The following RAPGEF2 variants were observed in gnomAD, a reference collection of about 807,000 sequenced individuals.
The protein encoded by RAPGEF2 is Rap guanine nucleotide exchange factor 2.
RAPGEF2 carries 54 observed loss-of-function variants against 186.7 expected under a neutral mutation model. The ratio of observed to expected loss-of-function variants is 0.29; its 90% CI spans 0.23 to 0.36. The LOEUF (loss-of-function observed/expected upper bound fraction) is 0.36, where lower values mean the gene tolerates loss of function less well. Among genes scored for constraint, RAPGEF2 ranks in the 10% least tolerant of loss-of-function variants. The probability of loss-of-function intolerance (pLI) is 1.00; values close to 1 mark genes in which losing one functional copy is unlikely to be tolerated. For synonymous variants in RAPGEF2, 712 were observed against 705.9 expected, an observed-to-expected ratio of 1.01 and a Z score of -0.14; for missense variants, 1,532 against 2,045.0, an observed-to-expected ratio of 0.75 and a Z score of 4.84.
chr4:159,112,011 C>T (rs766514361), intron 1 of RAPGEF2, among the ~76,000 whole-genome samples: 3 of 152,334 alleles, frequency 2.0e-5, no homozygotes, highest in South Asian at 4.1e-4. Context: ...CTCTGGGGAT[C>T]ACTAATCTGT....
intron 7 of RAPGEF2, among the ~76,000 whole-genome samples, chr4:159,302,615 A>G (rs1249474916): frequency 2.0e-5 from 3 of 152,188 alleles, no homozygotes; most frequent in Non-Finnish European, 2.9e-5. Flanking sequence ...ATTAATACAT[A>G]TCTGCAAACT....
intron 25 of RAPGEF2, among the ~76,000 whole-genome samples, chr4:159,347,223 G>A (rs58730870): frequency 2.0e-5 from 3 of 152,158 alleles, no homozygotes; most frequent in Non-Finnish European, 2.9e-5. Context: ...AATTTGCTAC[G>A]ACAGGGTGTT....
chr4:159,267,972 C>T, intron 7 of RAPGEF2: 3 of 1,380,958 alleles, frequency 2.2e-6, no homozygotes, highest in Non-Finnish European at 2.8e-6. Flanking sequence ...GATTCCTTTT[C>T]TGGTCTACAA....
intron 1 of RAPGEF2, among the ~76,000 whole-genome samples, chr4:159,104,613 A>G (rs945018397): frequency 1.4e-5 from 2 of 147,924 alleles, no homozygotes; most frequent in Admixed American, 1.4e-4. Context: ...CCCTCTCCCC[A>G]GCCGCCCTCC....
chr4:159,352,618 TG>T (rs1731352729), intron 26 of RAPGEF2, 66 bp from the exon 27 acceptor site: 1 of 1,322,566 alleles, frequency 7.6e-7, no homozygotes, highest in Non-Finnish European at 1.1e-6. Flanking sequence ...TGCTTCTATT[TG>T]GTAGACTTCC....
chr4:159,251,755 TG>T (rs1755435564), intron 7 of RAPGEF2, among the ~76,000 whole-genome samples: 2 of 151,790 alleles, frequency 1.3e-5, no homozygotes, highest in Admixed American at 1.3e-4. Flanking sequence ...GCCAATCAGC[TG>T]TCTGTAAAAT....
chr4:159,178,798 A>G (rs932778725), intron 1 of RAPGEF2, among the ~76,000 whole-genome samples: 8 of 151,866 alleles, frequency 5.3e-5, no homozygotes, highest in Admixed American at 2.0e-4. Flanking sequence ...ACCTCAGGCA[A>G]TTCACCCGCC....
At chr4:159,220,727 C>T (rs1045102901) in intron 4 of RAPGEF2, among the ~76,000 whole-genome samples, 1 of 152,136 alleles carries the variant, frequency 6.6e-6, no homozygotes, top group Admixed American at 6.5e-5. Context: ...ATTCCATATC[C>T]ATACCAAGCT....
Position 159,262,379 on chromosome 4 carries a change from G to A in RAPGEF2, c.543+18588G>A, listed in dbSNP as rs368962342. Among the ~76,000 whole-genome samples, 8 of 152,126 alleles carry A rather than the reference G, an allele frequency of 5.3e-5. 1 individual carries two copies. The East Asian group carries it at 5.8e-4, about 11-fold the overall frequency. On this transcript the variant is annotated intron_variant, in intron 7 of 29. Transcript: ENST00000691494. ...AAGATAATATTCTTTTACATATGCG[G>A]TGTTAATGTGTGAAATATTAGTGGG...
At chr4:159,212,416 TAAAG>T (rs1384324064) in intron 4 of RAPGEF2, among the ~76,000 whole-genome samples, 2 of 152,208 alleles carry the variant, frequency 1.3e-5, no homozygotes, top group African/African-American at 2.4e-5. Context: ...TTTTCAAAAA[TAAAG>T]AGAAGAAACA....
intron 1 of RAPGEF2, among the ~76,000 whole-genome samples, chr4:159,125,253 T>C (rs1196366830): frequency 6.6e-6 from 1 of 152,208 alleles, no homozygotes; most frequent in Non-Finnish European, 1.5e-5. Flanking sequence ...TCAAGAAATA[T>C]TTACTACTGT....
intron 8 of RAPGEF2, among the ~76,000 whole-genome samples, chr4:159,307,801 A>G (rs1179636811): frequency 1.3e-5 from 2 of 152,084 alleles, no homozygotes; most frequent in African/African-American, 4.8e-5. Context: ...GTGAAACCCC[A>G]TCTCTACTAA....
At chr4:159,281,671 CAAAAAAA>C (rs11346544) in intron 7 of RAPGEF2, among the ~76,000 whole-genome samples, 36 of 85,194 alleles carry the variant, frequency 4.2e-4, no homozygotes, top group Non-Finnish European at 6.1e-4. Flanking sequence ...AACTTGATTT[CAAAAAAA>C]AAAAAAAAAA....
intron 1 of RAPGEF2, among the ~76,000 whole-genome samples, chr4:159,183,454 C>T (rs1341332320): frequency 6.6e-6 from 1 of 152,150 alleles, no homozygotes; most frequent in African/African-American, 2.4e-5. Context: ...TAAAACCATA[C>T]AACTTTTAGA....
chr4:159,104,168 G>A lies in RAPGEF2; in HGVS notation c.6G>A (p.Ala2=), dbSNP rs779058454. The change falls in exon 1 of 30, where the codon GCG becomes GCA. Residue 2 remains alanine (A), a synonymous_variant. Coordinates refer to ENST00000691494, the MANE Select transcript of RAPGEF2 (RefSeq NM_001394067.2). ...GGCCCGCTCCCAGAGGGGAGATGGC[G>A]TCCTACGTAGATAACAGCTTCCGCC... M[A]SYVDNSFRQA... is the part of the protein sequence containing the mutation. 3.3e-6 allele frequency: 5 copies of A among 1,528,064 alleles called. No individual in the cohort carries two copies. The East Asian group carries it at 7.5e-5, about 23-fold the overall frequency. 94.7% of individuals were successfully genotyped at this position (1,528,064 alleles called of 1,614,324 possible).
intron 7 of RAPGEF2, among the ~76,000 whole-genome samples, chr4:159,251,666 G>A (rs1755416582): frequency 6.6e-6 from 1 of 152,086 alleles, no homozygotes; most frequent in Admixed American, 6.5e-5. Flanking sequence ...TCTAGCTAGA[G>A]GGTTGTAAAT....
At chr4:159,290,161 G>A (rs544313416) in intron 7 of RAPGEF2, among the ~76,000 whole-genome samples, 1 of 152,312 alleles carries the variant, frequency 6.6e-6, no homozygotes, top group South Asian at 2.1e-4. Flanking sequence ...GCACCACAGT[G>A]AAGTGGGTTC....
At chr4:159,309,255 A>G (rs551425372) in intron 8 of RAPGEF2, among the ~76,000 whole-genome samples, 1 of 152,150 alleles carries the variant, frequency 6.6e-6, no homozygotes, top group Non-Finnish European at 1.5e-5. Context: ...AATCCTCTGT[A>G]AAGGAAGTCC....
intron 7 of RAPGEF2, among the ~76,000 whole-genome samples, chr4:159,300,817 A>C (rs927901553): frequency 6.6e-6 from 1 of 152,142 alleles, no homozygotes; most frequent in Non-Finnish European, 1.5e-5. Flanking sequence ...TGCCTTGTAT[A>C]TATTTCTCAG....
Sources: gnomAD v4.1 joint callset for allele counts (sites outside exome capture counted in the v4.1 genomes callset) on GRCh38, gnomAD v4.1.1 for gene constraint, MANE v1.5 for transcripts, NCBI Gene and HGNC (gene_info 2026-07-23, HGNC 2026-07-21) for gene names.